ZNF704: variants seen among roughly 807,000 people sequenced by gnomAD.
The protein encoded by ZNF704 is glucocorticoid induced gene 1.
A neutral mutation model predicts 44.7 loss-of-function variants in ZNF704; 10 were observed. That is an observed-to-expected ratio of 0.22 (90% confidence interval 0.14 to 0.38). ZNF704 has a LOEUF of 0.38. Ranked by LOEUF, ZNF704 falls within the 10% of genes least tolerant of loss-of-function variation. ZNF704 has a pLI of 1.00. For missense variants in ZNF704, 390 were observed against 545.5 expected (o/e 0.71, Z 2.84); for synonymous variants, 211 against 207.6 (o/e 1.02, Z -0.14).
intron 7 of ZNF704, among the ~76,000 whole-genome samples, chr8:80,655,443 A>G (rs1178751012): frequency 6.6e-6 from 1 of 152,176 alleles, no homozygotes; most frequent in Non-Finnish European, 1.5e-5. Context: ...TGTGTTGAGT[A>G]TATCTGTGTT....
the ZNF704 span, among the ~76,000 whole-genome samples, chr8:80,881,609 C>T: frequency 6.6e-6 from 1 of 152,166 alleles, no homozygotes; most frequent in Non-Finnish European, 1.5e-5. Context: ...AGGAAGTCTC[C>T]CACTTTCCCT....
intron 1 of ZNF704, among the ~76,000 whole-genome samples, chr8:80,828,419 G>A (rs1233470215): frequency 6.6e-6 from 1 of 152,172 alleles, no homozygotes; most frequent in African/African-American, 2.4e-5. Context: ...GAGAAAACCA[G>A]TTAAAGTCCT....
intron 5 of ZNF704, among the ~76,000 whole-genome samples, chr8:80,668,554 T>C (rs1458744944): frequency 6.6e-6 from 1 of 152,198 alleles, no homozygotes; most frequent in East Asian, 1.9e-4. Context: ...TAAAGGCAGG[T>C]TGAGCTGCTG....
chr8:80,692,231 T>C (rs1019742739), intron 3 of ZNF704, among the ~76,000 whole-genome samples: 2 of 152,206 alleles, frequency 1.3e-5, no homozygotes, highest in African/African-American at 4.8e-5. Context: ...AATCATATCA[T>C]GATTAAGAGA....
intron 1 of ZNF704, among the ~76,000 whole-genome samples, chr8:80,838,823 CAGGAGGCAGAGTGG>C (rs1261865300): frequency 2.0e-5 from 3 of 147,806 alleles, no homozygotes; most frequent in African/African-American, 7.6e-5. Context: ...GGGAAAGGAA[CAGGAGGCAGAGTGG>C]AGGAGGAAGA....
chr8:80,680,826 G>A (rs1306728453), intron 4 of ZNF704, among the ~76,000 whole-genome samples: 1 of 152,008 alleles, frequency 6.6e-6, no homozygotes, highest in Non-Finnish European at 1.5e-5. Context: ...AGGTGTGTGG[G>A]GTTAATACAA....
At chr8:80,864,856 T>C (rs1453602261) in intron 1 of ZNF704, among the ~76,000 whole-genome samples, 2 of 152,074 alleles carry the variant, frequency 1.3e-5, no homozygotes. Context: ...ATGTGTGTGG[T>C]AAGCCTCTTC....
chr8:80,785,847 A>T (rs765140040), intron 2 of ZNF704, among the ~76,000 whole-genome samples: 1 of 152,190 alleles, frequency 6.6e-6, no homozygotes, highest in Non-Finnish European at 1.5e-5. Flanking sequence ...ACCAAGGTCT[A>T]GTTGGTGGGT....
intron 1 of ZNF704, among the ~76,000 whole-genome samples, chr8:80,867,123 C>G (rs1233292203): frequency 6.6e-6 from 1 of 152,124 alleles, no homozygotes; most frequent in Non-Finnish European, 1.5e-5. Context: ...TATGGGCACT[C>G]ACTTCCCAGT....
intron 1 of ZNF704, among the ~76,000 whole-genome samples, chr8:80,851,123 G>A (rs187475454): frequency 6.6e-6 from 1 of 152,256 alleles, no homozygotes; most frequent in East Asian, 1.9e-4. Context: ...GAATACTGTA[G>A]ACAATGGTAA....
At chr8:80,785,063 C>A (rs1320547494) in intron 2 of ZNF704, among the ~76,000 whole-genome samples, 1 of 152,116 alleles carries the variant, frequency 6.6e-6, no homozygotes. Context: ...TGCTTAATGT[C>A]CTTTCTCTGT....
chr8:80,646,451 G>A (rs891495992), intron 7 of ZNF704, among the ~76,000 whole-genome samples: 1 of 150,596 alleles, frequency 6.6e-6, no homozygotes. Context: ...ACTCTAGCCT[G>A]GGCAACAGAG....
At chr8:80,667,411 G>A (rs1047096296) in intron 5 of ZNF704, among the ~76,000 whole-genome samples, 1 of 152,198 alleles carries the variant, frequency 6.6e-6, no homozygotes, top group African/African-American at 2.4e-5. Flanking sequence ...TATTCCAGAT[G>A]AGCAGGACAG....
intron 2 of ZNF704, among the ~76,000 whole-genome samples, chr8:80,775,884 A>G (rs1003225504): frequency 2.0e-5 from 3 of 152,226 alleles, no homozygotes; most frequent in African/African-American, 7.2e-5. Flanking sequence ...TACTACAAAG[A>G]AAGTAAAAAT....
intron 3 of ZNF704, among the ~76,000 whole-genome samples, chr8:80,692,781 T>A (rs184375895): frequency 6.6e-6 from 1 of 151,652 alleles, no homozygotes; most frequent in African/African-American, 2.4e-5. Context: ...TAAAAGTGAG[T>A]TGAATGGAGG....
chr8:80,714,906 C>A (rs1441400931), intron 2 of ZNF704, among the ~76,000 whole-genome samples: 1 of 152,058 alleles, frequency 6.6e-6, no homozygotes, highest in African/African-American at 2.4e-5. Flanking sequence ...GCCATTTTGC[C>A]TCCATGCATA....
chr8:80,651,255 C>A (rs879490577), intron 7 of ZNF704, among the ~76,000 whole-genome samples: 1 of 152,186 alleles, frequency 6.6e-6, no homozygotes, highest in African/African-American at 2.4e-5. Flanking sequence ...GAAACTGCAT[C>A]AAGTAACGAG....
chr8:80,839,403 G>A (rs1184440346), intron 1 of ZNF704, among the ~76,000 whole-genome samples: 1 of 152,176 alleles, frequency 6.6e-6, no homozygotes, highest in Non-Finnish European at 1.5e-5. Flanking sequence ...AAAAACTCAA[G>A]TTGAAAACTA....
At chr8:80,674,384 G>C (rs954438098) in intron 4 of ZNF704, among the ~76,000 whole-genome samples, 1 of 152,176 alleles carries the variant, frequency 6.6e-6, no homozygotes, top group Admixed American at 6.5e-5. Flanking sequence ...AAAGAAAAGA[G>C]GTTTATTTAG....
Sources: allele counts gnomAD v4.1 joint callset (sites outside exome capture counted in the v4.1 genomes callset), GRCh38; gene constraint gnomAD v4.1.1; transcripts MANE v1.5; gene names NCBI Gene and HGNC (gene_info 2026-07-23, HGNC 2026-07-21).